The following SND1 variants were observed in gnomAD, a reference collection of about 807,000 sequenced individuals.
SND1 encodes staphylococcal nuclease domain-containing protein 1.
In SND1, 38 loss-of-function variants were observed where a neutral mutation model predicts 121.7. The ratio of observed to expected loss-of-function variants is 0.31; its 90% confidence interval spans 0.24 to 0.41. SND1 has a LOEUF of 0.41. SND1 is among the 10% of genes least tolerant of loss of function. The pLI is 1.00. For missense variants in SND1, 868 were observed against 1,184.6 expected, an observed-to-expected ratio of 0.73 and a Z score of 3.92; for synonymous variants, 401 against 447.4, an observed-to-expected ratio of 0.90 and a Z score of 1.31.
At chr7:127,826,132 A>C (rs1384712251) in intron 11 of SND1, among the ~76,000 whole-genome samples, 1 of 152,218 alleles carries the variant, frequency 6.6e-6, no homozygotes, top group Non-Finnish European at 1.5e-5. Context: ...TGGAGGTTGC[A>C]GTGAGCCAAG....
intron 12 of SND1, chr7:127,858,604 C>T (rs1484087245): frequency 3.2e-6 from 1 of 315,222 alleles, no homozygotes; most frequent in African/African-American, 2.1e-5. Context: ...CTAATGGACT[C>T]TAGGGAACAA....
intron 1 of SND1, among the ~76,000 whole-genome samples, chr7:127,673,039 A>G (rs756458647): frequency 3.3e-5 from 5 of 151,360 alleles, no homozygotes; most frequent in Non-Finnish European, 7.4e-5. Flanking sequence ...ATCTTATATA[A>G]TAAGTATTTT....
At chr7:127,705,577 AG>A (rs1796174635) in intron 8 of SND1, among the ~76,000 whole-genome samples, 1 of 1,554 alleles carries the variant, frequency 6.4e-4, no homozygotes, top group Non-Finnish European at 8.5e-3. Flanking sequence ...GTCAAGATGT[AG>A]ATGCAGATGT....
At chr7:127,657,083 A>G (rs771637813) in intron 1 of SND1, among the ~76,000 whole-genome samples, 17 of 152,374 alleles carry the variant, frequency 1.1e-4, no homozygotes, top group Non-Finnish European at 2.1e-4. Context: ...TAGCAGTGTA[A>G]TAACTAATGA....
chr7:127,715,595 T>C (rs1169923983), intron 9 of SND1, among the ~76,000 whole-genome samples: 1 of 152,198 alleles, frequency 6.6e-6, no homozygotes. Context: ...TTTTTGTTTT[T>C]TTGTTGTTGA....
At chr7:127,716,492 G>GTT (rs975682366) in intron 9 of SND1, among the ~76,000 whole-genome samples, 26 of 140,550 alleles carry the variant, frequency 1.8e-4, no homozygotes, top group African/African-American at 6.2e-4. Context: ...ATTTTCTTAG[G>GTT]TTTTTTTTTT....
chr7:128,087,018 G>A lies in SND1; in HGVS notation c.2385G>A (p.Glu795=), dbSNP rs368771847. 255 of 1,614,106 alleles carry A rather than the reference G, an allele frequency of 1.6e-4. No individual in the cohort carries two copies. The highest frequency in any genetic ancestry group is 1.9e-4 in the Non-Finnish European group (225 of 1,180,040). ...STRVLPAQAT[E]YAFAFIQVPQ... ...GGGTGCTGCCAGCTCAAGCCACGGA[G>A]TATGCCTTCGCCTTCATCCAGGTGC... is the stretch of plus-strand genomic sequence containing the variant. Residue 795 remains glutamate, a synonymous_variant, in exon 21 of 24, where the codon GAG becomes GAA. Transcript: ENST00000354725.
intron 15 of SND1, among the ~76,000 whole-genome samples, chr7:127,939,256 C>T (rs2116835828): frequency 6.6e-6 from 1 of 152,232 alleles, no homozygotes; most frequent in South Asian, 2.1e-4. Context: ...CAGGAAACTG[C>T]AGGTGGTCAG....
chr7:127,917,374 G>GC (rs761978725), intron 14 of SND1, among the ~76,000 whole-genome samples: 9 of 152,122 alleles, frequency 5.9e-5, no homozygotes, highest in Non-Finnish European at 8.8e-5. Flanking sequence ...TTGTATGCAT[G>GC]CATGTATATG....
chr7:127,705,372 A>G lies in SND1; in HGVS notation c.947+427A>G, dbSNP rs181692417. Among the ~76,000 whole-genome samples, 13 of 152,350 alleles carry G rather than the reference A, an allele frequency of 8.5e-5. 1 individual carries two copies. The East Asian group carries it at 2.5e-3, about 29-fold the overall frequency. On this transcript the variant is annotated intron_variant, in intron 8 of 23. Coordinates refer to ENST00000354725, the MANE Select transcript of SND1 (RefSeq NM_014390.4). The stretch of plus-strand genomic sequence containing the variant: ...AGCCTGTAGGTTTTAAACCAGGACC[A>G]TTCAATATTGTTGTGAGGCCTATGC...
intron 1 of SND1, among the ~76,000 whole-genome samples, chr7:127,659,491 T>C (rs942530807): frequency 1.3e-5 from 2 of 152,240 alleles, no homozygotes; most frequent in African/African-American, 4.8e-5. Context: ...TCTTCACTTA[T>C]GTGCTTATCA....
intron 11 of SND1, among the ~76,000 whole-genome samples, chr7:127,827,529 TA>T (rs1798664079): frequency 6.6e-6 from 1 of 152,242 alleles, no homozygotes; most frequent in African/African-American, 2.4e-5. Flanking sequence ...TTGTAGATGT[TA>T]TTGATGTATC....
intron 11 of SND1, among the ~76,000 whole-genome samples, chr7:127,830,551 T>C (rs1268300749): frequency 6.6e-6 from 1 of 152,174 alleles, no homozygotes; most frequent in East Asian, 1.9e-4. Flanking sequence ...TTATCATTGT[T>C]TATTTGCTTT....
chr7:127,956,822 T>A (rs1801604130), intron 15 of SND1, among the ~76,000 whole-genome samples: 2 of 152,248 alleles, frequency 1.3e-5, no homozygotes, highest in Non-Finnish European at 2.9e-5. Flanking sequence ...GTTTATTTTA[T>A]TAGATATTAC....
At chr7:127,722,813 T>C (rs1394787260) in intron 10 of SND1, among the ~76,000 whole-genome samples, 1 of 152,166 alleles carries the variant, frequency 6.6e-6, no homozygotes, top group Non-Finnish European at 1.5e-5. Context: ...TTCTCTCTCT[T>C]TTTTTCCCTT....
rs1057160351 is a variant in SND1, at chr7:127,690,176, G to C, written c.228+3414G>C. 4.6e-5 allele frequency among the ~76,000 whole-genome samples: 7 copies of C among 151,870 alleles called. No homozygotes were observed. The South Asian group carries it at 1.5e-3, about 32-fold the overall frequency. Reference sequence around the variant, plus strand: ...TTATTTTTTCCCAGACTCTTCAGTGGTTCCTCATATTCCAAGACACTTTAG... The same window carrying C: ...TTATTTTTTCCCAGACTCTTCAGTGCTTCCTCATATTCCAAGACACTTTAG... On this transcript the variant is annotated intron_variant, in intron 2 of 23. Coordinates refer to ENST00000354725, the MANE Select transcript of SND1 (RefSeq NM_014390.4).
At chr7:127,707,702 A>G in intron 9 of SND1, 55 bp downstream of exon 9, 1 of 1,445,220 alleles carries the variant, frequency 6.9e-7, no homozygotes, top group Non-Finnish European at 9.7e-7. Context: ...GGCGAGTAAT[A>G]ATACAAGAAT....
intron 15 of SND1, among the ~76,000 whole-genome samples, chr7:127,983,578 C>T (rs1251070361): frequency 6.6e-6 from 1 of 152,092 alleles, no homozygotes; most frequent in Non-Finnish European, 1.5e-5. Context: ...GGGAGATAAA[C>T]CCTGTTTTGT....
intron 11 of SND1, among the ~76,000 whole-genome samples, chr7:127,830,508 C>T (rs868084859): frequency 1.3e-5 from 2 of 152,156 alleles, no homozygotes; most frequent in Non-Finnish European, 2.9e-5. Flanking sequence ...ATGTTTCCCT[C>T]ACTTTTCTTC....
Sources: gnomAD v4.1 joint callset for allele counts (sites outside exome capture counted in the v4.1 genomes callset) on GRCh38, gnomAD v4.1.1 for gene constraint, MANE v1.5 for transcripts, NCBI Gene and HGNC (gene_info 2026-07-23, HGNC 2026-07-21) for gene names.